Variants in PPM1H observed in about 807,000 individuals in gnomAD.
The protein encoded by PPM1H is protein phosphatase, Mg2+/Mn2+ dependent 1H.
In PPM1H, 27 loss-of-function variants were observed where a neutral mutation model predicts 54.9. That is an observed-to-expected ratio of 0.49 (90% CI 0.36 to 0.68). The LOEUF is 0.68. Ranked by LOEUF, PPM1H falls within the 30% of genes least tolerant of loss-of-function variation. The pLI, the probability that PPM1H is intolerant of heterozygous loss-of-function variation, is 0.00. For synonymous variants in PPM1H, 305 were observed against 270.8 expected (o/e 1.13, Z -1.24); for missense variants, 596 against 667.8 (o/e 0.89, Z 1.19).
In PPM1H at chr12:62,922,645, T is replaced by G. The variant is rs1498663; in HGVS notation, c.245+11847A>C. Among the ~76,000 whole-genome samples the G allele has an allele frequency of 6.7e-3, 1,016 of 152,266 alleles. 7 individuals are homozygous for G. Among genetic ancestry groups the G allele is most frequent in the African/African-American group, 0.023 (944 of 41,542 alleles). Reference sequence around the variant, plus strand: ...AATTTTACAGCCGTTTAGAGAAAACTGAGTCAGAAATAGTATAACAAAGGA... The same window carrying G: ...AATTTTACAGCCGTTTAGAGAAAACGGAGTCAGAAATAGTATAACAAAGGA... On this transcript the variant is annotated intron_variant, in intron 1 of 9. Transcript: ENST00000228705.
chr12:62,711,207 G>A (rs1380496154), intron 6 of PPM1H, among the ~76,000 whole-genome samples: 3 of 152,156 alleles, frequency 2.0e-5, no homozygotes, highest in African/African-American at 7.2e-5. Flanking sequence ...GCCCAGGCTG[G>A]TCTTGAACTC....
rs1592551277 is a variant in PPM1H, at chr12:62,700,757, C to T, written c.1074-6758G>A. Among the ~76,000 whole-genome samples the T allele has an allele frequency of 6.6e-5, 10 of 152,296 alleles. No individual in the cohort carries two copies. The South Asian group carries it at 2.1e-3, about 32-fold the overall frequency. ...GTTCTGATTTTCCCTTACTCCTGTT[C>T]TCAGAGCAACTGGAGTAATTATTTT... On this transcript the variant is annotated intron_variant, in intron 6 of 9. Transcript: ENST00000228705.
At chr12:62,776,359 C>T (rs547779156) in intron 4 of PPM1H, among the ~76,000 whole-genome samples, 2 of 152,336 alleles carry the variant, frequency 1.3e-5, no homozygotes, top group East Asian at 3.8e-4. Context: ...CCTTCCCTTG[C>T]CCTATGTTTC....
chr12:62,755,165 T>C (rs531050450), intron 4 of PPM1H: 3 of 541,226 alleles, frequency 5.5e-6, no homozygotes. Flanking sequence ...TCTCTGCTCC[T>C]CCCATTTGAC....
chr12:62,870,530 T>G (rs1215089262), intron 1 of PPM1H, among the ~76,000 whole-genome samples: 1 of 151,996 alleles, frequency 6.6e-6, no homozygotes, highest in Non-Finnish European at 1.5e-5. Flanking sequence ...AAGAATGGAT[T>G]TGAAAGATAC....
intron 1 of PPM1H, among the ~76,000 whole-genome samples, chr12:62,878,719 C>G (rs181053404): frequency 1.3e-5 from 2 of 148,708 alleles, no homozygotes; most frequent in Admixed American, 1.3e-4. Flanking sequence ...GCAGGTGGAT[C>G]ACTTGAGGTC....
At chr12:62,760,705 C>A (rs903794306) in intron 4 of PPM1H, among the ~76,000 whole-genome samples, 3 of 152,142 alleles carry the variant, frequency 2.0e-5, no homozygotes, top group African/African-American at 7.2e-5. Context: ...ACAGGAATTC[C>A]AATATCTAAC....
rs77142371 is a variant in PPM1H at position 62,731,242 on chromosome 12, G to A, written c.954+6260C>T. Among the ~76,000 whole-genome samples, 531 of 152,282 alleles carry A rather than the reference G, an allele frequency of 3.5e-3. 2 individuals carry two copies. Among genetic ancestry groups the A allele is most frequent in the African/African-American group, 0.012 (504 of 41,538 alleles). On this transcript the variant is annotated intron_variant, in intron 5 of 9. Coordinates refer to ENST00000228705, the MANE Select transcript of PPM1H (RefSeq NM_020700.2). Reference sequence around the variant, plus strand: ...GCCATTTTATGAAAGGAGGTTAAATGAGGAAGTAGGTGGGACTGGAGTGGA... The same window carrying A: ...GCCATTTTATGAAAGGAGGTTAAATAAGGAAGTAGGTGGGACTGGAGTGGA...
intron 2 of PPM1H, among the ~76,000 whole-genome samples, chr12:62,804,227 G>A (rs1161053330): frequency 6.6e-6 from 1 of 152,076 alleles, no homozygotes; most frequent in Non-Finnish European, 1.5e-5. Flanking sequence ...AGTGGCTCAC[G>A]CCTGTAATCC....
intron 2 of PPM1H, among the ~76,000 whole-genome samples, chr12:62,814,530 T>C (rs935637395): frequency 6.6e-6 from 1 of 152,240 alleles, no homozygotes; most frequent in East Asian, 1.9e-4. Flanking sequence ...AAAAATTGTT[T>C]TTAACTTACG....
At position 62,934,155 on chromosome 12, in the gene PPM1H, C is replaced by G. The variant is rs1003229066; in HGVS notation, c.245+337G>C. 29 of 263,072 alleles carry G rather than the reference C, an allele frequency of 1.1e-4. 1 individual carries two copies. Among genetic ancestry groups the G allele is most frequent in the Non-Finnish European group, 2.1e-4 (29 of 139,568 alleles). The allele number at this position is 263,072 out of a possible 1,614,324, so 16.3% of individuals were successfully genotyped here. Reference sequence around the variant, plus strand: ...GATAGCAGATTTTCCTTATGTGTTTCAAACTTCAGAGCTTTTCTGCCCGTT... The same window carrying G: ...GATAGCAGATTTTCCTTATGTGTTTGAAACTTCAGAGCTTTTCTGCCCGTT... On this transcript the variant is annotated intron_variant, in intron 1 of 9. Coordinates refer to ENST00000228705, the MANE Select transcript of PPM1H (RefSeq NM_020700.2). The surrounding 1 kb of genome is among the most constrained non-coding windows in gnomAD (Gnocchi z 4.2).
chr12:62,716,479 A>G (rs2076235080), intron 6 of PPM1H, among the ~76,000 whole-genome samples: 2 of 152,208 alleles, frequency 1.3e-5, no homozygotes, highest in Non-Finnish European at 2.9e-5. Context: ...AAGAAAAAAA[A>G]TTCCACAACT....
chr12:62,923,391 T>G (rs1038058837), intron 1 of PPM1H, among the ~76,000 whole-genome samples: 1 of 152,296 alleles, frequency 6.6e-6, no homozygotes, highest in East Asian at 1.9e-4. Context: ...TTGAAAATTT[T>G]TTTTTCTTTT....
At chr12:62,830,410 C>A (rs1216299709) in intron 2 of PPM1H, among the ~76,000 whole-genome samples, 2 of 152,128 alleles carry the variant, frequency 1.3e-5, no homozygotes, top group Non-Finnish European at 2.9e-5. Flanking sequence ...CACCCGCCAC[C>A]ATGCCCGGCT....
chr12:62,812,327 T>C (rs909441871), intron 2 of PPM1H, among the ~76,000 whole-genome samples: 15 of 144,980 alleles, frequency 1.0e-4, no homozygotes, highest in Non-Finnish European at 2.1e-4. Flanking sequence ...CTTGACATAA[T>C]ACCTTCAAAA....
intron 4 of PPM1H, among the ~76,000 whole-genome samples, chr12:62,767,225 T>A (rs11832892): frequency 0.18 from 27,189 of 151,884 alleles, 2,887 homozygotes; most frequent in African/African-American, 0.29. Flanking sequence ...GTGGATGCTG[T>A]AGGTGCATAA....
At chr12:62,683,711 G>T (rs1340019234) in intron 8 of PPM1H, among the ~76,000 whole-genome samples, 2 of 152,196 alleles carry the variant, frequency 1.3e-5, no homozygotes, top group Admixed American at 6.5e-5. Context: ...GCTGAGGAGA[G>T]AGCTGGCTCC....
rs58388031 is a variant in PPM1H, at chr12:62,689,583, T to C, written c.1245+116A>G. 2.1e-3 allele frequency: 1,476 copies of C among 688,458 alleles called. 14 individuals carry two copies. The African/African-American group carries it at 0.024, about 11-fold the overall frequency. The allele number at this position is 688,458 out of a possible 1,614,324, so 42.6% of individuals were successfully genotyped here. A position where few individuals can be genotyped will look rare whatever the true frequency, so the allele number is the denominator to read the frequency against. On this transcript the variant is annotated intron_variant, in intron 8 of 9. Transcript: ENST00000228705. The stretch of plus-strand genomic sequence containing the variant: ...AAAGACACAGACGTGAGAGATACAG[T>C]GGAAGTACATATAATACAAGTTGGC...
At chr12:62,652,134 T>C (rs1403908313) in intron 9 of PPM1H, among the ~76,000 whole-genome samples, 3 of 152,230 alleles carry the variant, frequency 2.0e-5, no homozygotes, top group African/African-American at 4.8e-5. Context: ...CAAGAAATCA[T>C]AGTGTTTTTC....
Sources: gnomAD v4.1 joint callset for allele counts (sites outside exome capture counted in the v4.1 genomes callset) on GRCh38, gnomAD v4.1.1 for gene constraint, Gnocchi (gnomAD v3.1) non-coding constraint, MANE v1.5 for transcripts, NCBI Gene and HGNC (gene_info 2026-07-23, HGNC 2026-07-21) for gene names.